The following WAC variants were observed in gnomAD, a reference collection of about 807,000 sequenced individuals.
WAC encodes WW domain-containing adapter protein with coiled-coil.
Under a neutral mutation model 79.6 loss-of-function variants are expected in WAC, and 11 were observed. That is an observed-to-expected ratio of 0.14 (90% CI 0.09 to 0.23). WAC has a LOEUF of 0.23. WAC is among the 10% of genes least tolerant of loss of function. The pLI, the probability that WAC is intolerant of heterozygous loss-of-function variation, is 1.00. For synonymous variants in WAC, 304 were observed against 276.9 expected (o/e 1.10, Z -0.97); for missense variants, 728 against 773.5 (o/e 0.94, Z 0.70).
intron 8 of WAC, among the ~76,000 whole-genome samples, chr10:28,609,666 T>G (rs376104532): frequency 1.3e-5 from 2 of 152,016 alleles, no homozygotes; most frequent in Admixed American, 6.5e-5. Context: ...GTGGGCCACT[T>G]AAGCCCAGAC....
intron 3 of WAC, among the ~76,000 whole-genome samples, chr10:28,566,020 T>C (rs1210355809): frequency 1.3e-5 from 2 of 151,960 alleles, no homozygotes; most frequent in Non-Finnish European, 2.9e-5. Flanking sequence ...TGCCATTGTG[T>C]TAAAAAAAAA....
intron 3 of WAC, among the ~76,000 whole-genome samples, chr10:28,571,905 A>G (rs959426768): frequency 2.0e-5 from 3 of 152,220 alleles, no homozygotes; most frequent in African/African-American, 4.8e-5. Context: ...ATCTTATTAT[A>G]ATTTGATAAA....
intron 10 of WAC, among the ~76,000 whole-genome samples, chr10:28,614,162 G>A (rs947723769): frequency 6.6e-6 from 1 of 151,624 alleles, no homozygotes; most frequent in African/African-American, 2.4e-5. Context: ...CGGGAGTGCT[G>A]TGGCGCGATC....
chr10:28,563,942 T>C (rs1838451536), intron 3 of WAC, among the ~76,000 whole-genome samples: 1 of 151,888 alleles, frequency 6.6e-6, no homozygotes. Flanking sequence ...AAATATTATT[T>C]GAATAGAGGC....
chr10:28,603,602 A>G (rs890440089), intron 7 of WAC, among the ~76,000 whole-genome samples: 1 of 152,102 alleles, frequency 6.6e-6, no homozygotes, highest in East Asian at 1.9e-4. Context: ...CAAATTAGAC[A>G]AAAAGGTTTC....
chr10:28,622,908 G>A lies in WAC; in HGVS notation c.*3302G>A, dbSNP rs945760270. The A allele has an allele frequency of 1.3e-5, 2 of 152,170 alleles. No homozygotes were observed. The highest frequency in any genetic ancestry group is 4.8e-5 in the African/African-American group (2 of 41,432). The allele number at this position is 152,170 out of a possible 1,614,324, so 9.4% of individuals were successfully genotyped here. Reference sequence around the variant, plus strand: ...GCTACTGTATTTAGATGTTGGGTTTGAATATACAGATTTCTTTTCAATACC... The same window carrying A: ...GCTACTGTATTTAGATGTTGGGTTTAAATATACAGATTTCTTTTCAATACC... On this transcript the variant is annotated 3_prime_UTR_variant, in exon 14 of 14. Coordinates refer to ENST00000354911, the MANE Select transcript of WAC (RefSeq NM_016628.5).
At chr10:28,568,247 G>A (rs1344215257) in intron 3 of WAC, among the ~76,000 whole-genome samples, 1 of 152,160 alleles carries the variant, frequency 6.6e-6, no homozygotes, top group Non-Finnish European at 1.5e-5. Context: ...TCAGTTTGCT[G>A]TCGGATTCAT....
intron 3 of WAC, among the ~76,000 whole-genome samples, chr10:28,539,356 ATAGTT>A (rs1445620352): frequency 2.0e-5 from 3 of 152,210 alleles, no homozygotes; most frequent in Non-Finnish European, 2.9e-5. Flanking sequence ...CATAGCGTGT[ATAGTT>A]TAGAGTTAGA....
At chr10:28,579,540 T>C (rs145495652) in intron 3 of WAC, among the ~76,000 whole-genome samples, 2 of 152,148 alleles carry the variant, frequency 1.3e-5, no homozygotes, top group Admixed American at 6.5e-5. Flanking sequence ...ATAAAAGAAA[T>C]CTAAAACTTG....
chr10:28,576,104 A>G (rs1240735102), intron 3 of WAC, among the ~76,000 whole-genome samples: 1 of 152,242 alleles, frequency 6.6e-6, no homozygotes, highest in Admixed American at 6.5e-5. Context: ...GGATGTTTGC[A>G]CAACAAAATT....
rs142447032 is a variant in WAC, at chr10:28,542,137, A to G, written c.274+6380A>G. ...TGTTCCTGTCTCAGGGGCTCTGCAC[A>G]TTATGTGCCTTTATGTTTCTCCTAC... On this transcript the variant is annotated intron_variant, in intron 3 of 13. Transcript: ENST00000354911. Among the ~76,000 whole-genome samples, 64 of 152,292 alleles carry G rather than the reference A, an allele frequency of 4.2e-4. 1 individual carries two copies. The East Asian group carries it at 0.012, about 28-fold the overall frequency.
At position 28,597,046 on chromosome 10, in the gene WAC, TTTC is replaced by T. The variant is rs1191375495; in HGVS notation, c.919+1008_919+1010del. ...ACTATAAATACATTTTATTTGAAAT[TTTC>T]TTATTACATGTTATATGCATGTAAT... On this transcript the variant is annotated intron_variant, in intron 7 of 13. Transcript: ENST00000354911. Among the ~76,000 whole-genome samples the T allele has an allele frequency of 4.6e-5, 7 of 151,802 alleles. No individual in the cohort carries two copies. In the East Asian group the frequency reaches 7.7e-4, roughly 17 times the overall value.
chr10:28,601,193 A>G (rs897088436), intron 7 of WAC, among the ~76,000 whole-genome samples: 1 of 152,162 alleles, frequency 6.6e-6, no homozygotes, highest in African/African-American at 2.4e-5. Context: ...GGATGAATGA[A>G]TATATGTAGA....
At chr10:28,546,867 CTTTTTT>C (rs76863753) in intron 3 of WAC, among the ~76,000 whole-genome samples, 1 of 142,094 alleles carries the variant, frequency 7.0e-6, no homozygotes, top group South Asian at 2.2e-4. Context: ...TTTGATTTGT[CTTTTTT>C]TTTTTTAACC....
chr10:28,610,925 GT>G, intron 9 of WAC, 104 bp downstream of exon 9: 1 of 1,016,962 alleles, frequency 9.8e-7, no homozygotes, highest in Non-Finnish European at 1.3e-6. Context: ...TTTTTTTTTA[GT>G]TTTTTAAGAG....
At chr10:28,594,325 C>T (rs1432994108) in intron 6 of WAC, among the ~76,000 whole-genome samples, 1 of 152,116 alleles carries the variant, frequency 6.6e-6, no homozygotes, top group African/African-American at 2.4e-5. Context: ...GATATTATTC[C>T]TGCTATGTCT....
chr10:28,554,261 G>A (rs764618896), intron 3 of WAC, among the ~76,000 whole-genome samples: 1 of 152,134 alleles, frequency 6.6e-6, no homozygotes, highest in Non-Finnish European at 1.5e-5. Flanking sequence ...GTGGAATTTG[G>A]TATCAGCTGG....
chr10:28,605,301 C>T (rs986069006), intron 7 of WAC, among the ~76,000 whole-genome samples: 13 of 152,224 alleles, frequency 8.5e-5, no homozygotes, highest in Non-Finnish European at 4.4e-5. Flanking sequence ...GTGCCAGAAT[C>T]ACACATAGAA....
chr10:28,577,973 G>A (rs537812279), intron 3 of WAC, among the ~76,000 whole-genome samples: 36 of 152,196 alleles, frequency 2.4e-4, no homozygotes, highest in Non-Finnish European at 2.6e-4. Flanking sequence ...AAATAGCCTG[G>A]CCAACAAAGT....
Sources: gnomAD v4.1 joint callset for allele counts (sites outside exome capture counted in the v4.1 genomes callset) on GRCh38, gnomAD v4.1.1 for gene constraint, MANE v1.5 for transcripts, NCBI Gene and HGNC (gene_info 2026-07-23, HGNC 2026-07-21) for gene names.